EXOC4: variants seen among roughly 807,000 people sequenced by gnomAD.
EXOC4 encodes exocyst complex component 4.
EXOC4 carries 71 observed loss-of-function variants against 107.2 expected under a neutral mutation model. The observed-to-expected ratio is 0.66, with a 90% CI of 0.55 to 0.81. EXOC4 has a LOEUF of 0.81. Among genes scored for constraint, EXOC4 ranks in the 30% least tolerant of loss-of-function variants. The probability of loss-of-function intolerance (pLI) is 0.00; values close to 1 mark genes in which losing one functional copy is unlikely to be tolerated. For synonymous variants in EXOC4, 456 were observed against 441.2 expected (o/e 1.03, Z -0.42); for missense variants, 1,108 against 1,189.6 (o/e 0.93, Z 1.01).
intron 13 of EXOC4, among the ~76,000 whole-genome samples, chr7:133,936,396 C>A (rs1214497237): frequency 6.6e-6 from 1 of 152,218 alleles, no homozygotes; most frequent in African/African-American, 2.4e-5. Context: ...ACCTATGTGT[C>A]AATTAAGCAT....
intron 9 of EXOC4, among the ~76,000 whole-genome samples, chr7:133,566,608 G>A (rs1800910886): frequency 6.6e-6 from 1 of 152,168 alleles, no homozygotes; most frequent in Middle Eastern, 3.2e-3. Context: ...ATTCATGGTA[G>A]ACCGGAAGGT....
chr7:133,908,766 T>G (rs966948620), intron 12 of EXOC4, among the ~76,000 whole-genome samples: 3 of 152,252 alleles, frequency 2.0e-5, no homozygotes, highest in African/African-American at 7.2e-5. Flanking sequence ...TGTTTTGTAT[T>G]ATTGACTTTT....
intron 17 of EXOC4, among the ~76,000 whole-genome samples, chr7:134,032,880 G>A (rs1795299730): frequency 6.6e-6 from 1 of 152,180 alleles, no homozygotes; most frequent in African/African-American, 2.4e-5. Context: ...TGCATTGAAA[G>A]TTATTTTTAA....
At chr7:133,641,149 G>A (rs1378356638) in intron 10 of EXOC4, among the ~76,000 whole-genome samples, 1 of 152,184 alleles carries the variant, frequency 6.6e-6, no homozygotes. Flanking sequence ...GCCATGAGCA[G>A]GTATGGACCC....
intron 14 of EXOC4, among the ~76,000 whole-genome samples, chr7:133,962,504 G>T (rs1170509568): frequency 6.6e-6 from 1 of 152,038 alleles, no homozygotes; most frequent in African/African-American, 2.4e-5. Flanking sequence ...CTTCAGCCCG[G>T]GCAGAGATGT....
At chr7:133,336,729 T>TTTTA (rs1182523470) in intron 5 of EXOC4, among the ~76,000 whole-genome samples, 1,190 of 24,614 alleles carry the variant, frequency 0.048, 13 homozygotes, top group African/African-American at 0.11. Flanking sequence ...ATTTTATTTA[T>TTTTA]TTTATTTTAT....
intron 10 of EXOC4, among the ~76,000 whole-genome samples, chr7:133,670,033 A>C (rs1793911603): frequency 6.6e-6 from 1 of 152,190 alleles, no homozygotes; most frequent in Non-Finnish European, 1.5e-5. Flanking sequence ...AGTTCCTTCA[A>C]CTTTTGGTAT....
intron 11 of EXOC4, among the ~76,000 whole-genome samples, chr7:133,825,745 G>A (rs546756399): frequency 6.6e-6 from 1 of 152,312 alleles, no homozygotes; most frequent in African/African-American, 2.4e-5. Context: ...GTAGAGAATA[G>A]ATTCAGCTTT....
At chr7:134,062,899 C>A (rs939543837) in intron 17 of EXOC4, among the ~76,000 whole-genome samples, 1 of 152,244 alleles carries the variant, frequency 6.6e-6, no homozygotes, top group African/African-American at 2.4e-5. Flanking sequence ...ACAAGTCTTC[C>A]TCCACCAAAG....
At position 133,990,689 on chromosome 7, in the gene EXOC4, C is replaced by T. The variant is rs111464587; in HGVS notation, c.2207-6803C>T. Among the ~76,000 whole-genome samples, 41 of 152,236 alleles carry T rather than the reference C, an allele frequency of 2.7e-4. 1 individual carries two copies. Among genetic ancestry groups the T allele is most frequent in the Non-Finnish European group, 5.1e-4 (35 of 68,008 alleles). On this transcript the variant is annotated intron_variant, in intron 14 of 17. Transcript: ENST00000253861. ...CGGGCTGGTCTTGAACTCCTGACCT[C>T]GTGATCCACCCACCTCGGCCTCCTG... is the stretch of plus-strand genomic sequence containing the variant.
rs549929256 is a variant in EXOC4, at chr7:133,363,805, T to G, written c.1007+7232T>G. Among the ~76,000 whole-genome samples the G allele has an allele frequency of 2.6e-5, 4 of 152,272 alleles. No individual in the cohort carries two copies. In the East Asian group the frequency reaches 7.7e-4, roughly 29 times the overall value. On this transcript the variant is annotated intron_variant, in intron 6 of 17. Coordinates refer to ENST00000253861, the MANE Select transcript of EXOC4 (RefSeq NM_021807.4). ...TGCTAGAGTGGGAGCTGCCTTAGGT[T>G]TTGTCATTTTTGTGCACTTGCTATT...
At chr7:133,506,132 G>A (rs1799660955) in intron 9 of EXOC4, among the ~76,000 whole-genome samples, 1 of 152,116 alleles carries the variant, frequency 6.6e-6, no homozygotes, top group Non-Finnish European at 1.5e-5. Context: ...ATATTTGGCA[G>A]TTGGATGACA....
At chr7:133,618,738 A>C (rs1388953461) in intron 9 of EXOC4, among the ~76,000 whole-genome samples, 1 of 152,182 alleles carries the variant, frequency 6.6e-6, no homozygotes, top group Non-Finnish European at 1.5e-5. Context: ...ATAGTACTCC[A>C]TCAGAGCAAA....
At chr7:133,475,233 T>G in intron 7 of EXOC4, 95 bp from the exon 8 acceptor site, 1 of 1,112,718 alleles carries the variant, frequency 9.0e-7, no homozygotes, top group Non-Finnish European at 1.3e-6. Flanking sequence ...GAATGTTGGT[T>G]TTAGAATTAG....
chr7:133,308,337 G>T (rs1448729483), intron 4 of EXOC4, among the ~76,000 whole-genome samples: 1 of 152,166 alleles, frequency 6.6e-6, no homozygotes, highest in Admixed American at 6.5e-5. Context: ...AAGTGACTAA[G>T]TTGAAATGAG....
At chr7:133,977,461 A>G (rs1793865566) in intron 14 of EXOC4, among the ~76,000 whole-genome samples, 1 of 152,202 alleles carries the variant, frequency 6.6e-6, no homozygotes. Context: ...CTTGCTTCCA[A>G]ATAAATATTA....
At chr7:133,555,812 T>TTC (rs1800679954) in intron 9 of EXOC4, among the ~76,000 whole-genome samples, 1 of 152,234 alleles carries the variant, frequency 6.6e-6, no homozygotes, top group African/African-American at 2.4e-5. Context: ...TGTAAGGTAG[T>TTC]TCTGCTTTTG....
intron 11 of EXOC4, among the ~76,000 whole-genome samples, chr7:133,862,253 A>G (rs1356388579): frequency 6.7e-6 from 1 of 150,310 alleles, no homozygotes; most frequent in Non-Finnish European, 1.5e-5. Flanking sequence ...GCACTTTGGG[A>G]GGCTGAGGCA....
intron 5 of EXOC4, among the ~76,000 whole-genome samples, chr7:133,326,574 G>A (rs912552258): frequency 1.6e-4 from 25 of 152,156 alleles, no homozygotes; most frequent in Non-Finnish European, 2.9e-4. Context: ...TGGAAGCTTC[G>A]TCTCAGAGGG....
Sources: gnomAD v4.1 joint callset for allele counts (sites outside exome capture counted in the v4.1 genomes callset) on GRCh38, gnomAD v4.1.1 for gene constraint, MANE v1.5 for transcripts, NCBI Gene and HGNC (gene_info 2026-07-23, HGNC 2026-07-21) for gene names.